The following WDR70 variants were observed in gnomAD, a reference collection of about 807,000 sequenced individuals.
WDR70 encodes the protein WD repeat-containing protein 70.
A neutral mutation model predicts 88.6 loss-of-function variants in WDR70; 53 were observed. The observed-to-expected ratio is 0.60, with a 90% confidence interval of 0.48 to 0.75. The LOEUF (loss-of-function observed/expected upper bound fraction) is 0.75, where lower values mean the gene tolerates loss of function less well. WDR70 is among the 30% of genes least tolerant of loss of function. The pLI, the probability that WDR70 is intolerant of heterozygous loss-of-function variation, is 0.00. For missense variants in WDR70, 610 were observed against 823.2 expected (o/e 0.74, Z 3.17); for synonymous variants, 280 against 270.0 (o/e 1.04, Z -0.36).
At chr5:37,491,215 G>A (rs956202079) in intron 8 of WDR70, among the ~76,000 whole-genome samples, 1 of 152,112 alleles carries the variant, frequency 6.6e-6, no homozygotes, top group Non-Finnish European at 1.5e-5. Context: ...GGTCCTGGCT[G>A]GGCTCTGTGC....
intron 8 of WDR70, among the ~76,000 whole-genome samples, chr5:37,503,660 A>G (rs35187630): frequency 0.26 from 39,641 of 151,330 alleles, 5,763 homozygotes; most frequent in East Asian, 0.48. Context: ...CTCTTTCTCA[A>G]TCTTTTGGAA....
intron 9 of WDR70, among the ~76,000 whole-genome samples, chr5:37,604,711 C>G (rs919724037): frequency 3.0e-4 from 46 of 152,092 alleles, no homozygotes; most frequent in African/African-American, 1.1e-3. Context: ...AAATACCTGC[C>G]TATATAGGGG....
intron 10 of WDR70, among the ~76,000 whole-genome samples, chr5:37,679,404 G>T (rs559978385): frequency 2.1e-4 from 31 of 150,222 alleles, no homozygotes; most frequent in African/African-American, 7.4e-4. Flanking sequence ...GTACAGATGG[G>T]TTTTGGTGTG....
At chr5:37,446,045 G>T (rs545043147) in intron 7 of WDR70, among the ~76,000 whole-genome samples, 1 of 152,138 alleles carries the variant, frequency 6.6e-6, no homozygotes, top group Non-Finnish European at 1.5e-5. Flanking sequence ...AAACCCCATC[G>T]TCTCAGCCCC....
chr5:37,398,638 AAAT>A (rs1311958749), intron 5 of WDR70, among the ~76,000 whole-genome samples: 1 of 152,190 alleles, frequency 6.6e-6, no homozygotes, highest in Non-Finnish European at 1.5e-5. Flanking sequence ...CTTTCATATG[AAAT>A]AACAGATCTA....
At chr5:37,413,079 AAC>A (rs1197965745) in intron 5 of WDR70, among the ~76,000 whole-genome samples, 4 of 152,312 alleles carry the variant, frequency 2.6e-5, no homozygotes, top group South Asian at 4.1e-4. Flanking sequence ...TGTCCTTTAA[AAC>A]AGAGTAATTT....
intron 8 of WDR70, among the ~76,000 whole-genome samples, chr5:37,483,523 A>G (rs1357269857): frequency 1.3e-5 from 2 of 152,336 alleles, no homozygotes; most frequent in Admixed American, 6.5e-5. Context: ...CACGGCAACC[A>G]TCTGATTTCT....
At chr5:37,436,166 G>C (rs766514636) in intron 5 of WDR70, among the ~76,000 whole-genome samples, 1 of 152,130 alleles carries the variant, frequency 6.6e-6, no homozygotes, top group Non-Finnish European at 1.5e-5. Flanking sequence ...GCCAGGTAAA[G>C]AGGAAAAGAA....
rs555232728 is a variant in WDR70, at chr5:37,708,967, A to G, written c.1416+5880A>G. Among the ~76,000 whole-genome samples the G allele has an allele frequency of 2.1e-4, 32 of 152,352 alleles. No individual in the cohort carries two copies. In the South Asian group the frequency reaches 3.3e-3, roughly 16 times the overall value. ...TAGAGTAATTATCTGTTTTACTGAT[A>G]TAAAGTCCCAACTCAGGCAGAATGG... On this transcript the variant is annotated intron_variant, in intron 13 of 17. Transcript: ENST00000265107.
At chr5:37,506,392 G>A (rs1197755054) in intron 8 of WDR70, 6 of 785,296 alleles carry the variant, frequency 7.6e-6, no homozygotes, top group African/African-American at 6.8e-5. Flanking sequence ...ACAATGAGCT[G>A]TCCATGACAC....
intron 10 of WDR70, among the ~76,000 whole-genome samples, chr5:37,693,572 C>T (rs1031562961): frequency 6.6e-6 from 1 of 152,182 alleles, no homozygotes; most frequent in Non-Finnish European, 1.5e-5. Flanking sequence ...ACCATCTGAT[C>T]TTTGACAAAC....
intron 4 of WDR70, among the ~76,000 whole-genome samples, chr5:37,394,282 T>G (rs1748939622): frequency 8.4e-6 from 1 of 118,624 alleles, no homozygotes; most frequent in African/African-American, 4.8e-5. Context: ...TGAGACTCTG[T>G]CTCAAAAAAA....
intron 10 of WDR70, among the ~76,000 whole-genome samples, chr5:37,675,107 G>A (rs1426077887): frequency 2.0e-5 from 3 of 151,940 alleles, no homozygotes; most frequent in Non-Finnish European, 4.4e-5. Context: ...AAATTTGTTT[G>A]AGTTCATTGT....
chr5:37,388,720 C>T (rs181015078), intron 3 of WDR70, among the ~76,000 whole-genome samples: 64 of 143,448 alleles, frequency 4.5e-4, no homozygotes, highest in African/African-American at 1.6e-3. Context: ...CGCCTGGTGA[C>T]AGAGTGAGAC....
chr5:37,541,073 G>C (rs1184964610), intron 9 of WDR70, among the ~76,000 whole-genome samples: 1 of 152,102 alleles, frequency 6.6e-6, no homozygotes, highest in East Asian at 1.9e-4. Flanking sequence ...TTTTAAAAAA[G>C]AGTCTTAACT....
intron 5 of WDR70, among the ~76,000 whole-genome samples, chr5:37,427,336 C>G (rs895847897): frequency 2.6e-5 from 4 of 151,628 alleles, no homozygotes; most frequent in Non-Finnish European, 5.9e-5. Flanking sequence ...TTGCACTGAG[C>G]GGAGATAGCT....
intron 7 of WDR70, among the ~76,000 whole-genome samples, chr5:37,444,804 G>A (rs1401893686): frequency 6.6e-6 from 1 of 152,162 alleles, no homozygotes; most frequent in Middle Eastern, 3.2e-3. Context: ...GGAGGTCGGG[G>A]TGGTGGGATG....
At chr5:37,615,053 A>G (rs75799447) in intron 10 of WDR70, among the ~76,000 whole-genome samples, 2,160 of 152,206 alleles carry the variant, frequency 0.014, 28 homozygotes, top group Middle Eastern at 0.024. Flanking sequence ...TGCAAAATAA[A>G]TATGTGATTG....
At chr5:37,390,089 G>T (rs1465443446) in intron 3 of WDR70, among the ~76,000 whole-genome samples, 1 of 121,394 alleles carries the variant, frequency 8.2e-6, no homozygotes, top group Non-Finnish European at 1.5e-5. Context: ...AGGTTATTGA[G>T]GATGGTGGCA....
Sources: allele counts gnomAD v4.1 joint callset (sites outside exome capture counted in the v4.1 genomes callset), GRCh38; gene constraint gnomAD v4.1.1; transcripts MANE v1.5; gene names NCBI Gene and HGNC (gene_info 2026-07-23, HGNC 2026-07-21).